The following CPQ variants were observed in gnomAD, a reference collection of about 807,000 sequenced individuals.
The protein encoded by CPQ is Ser-Met dipeptidase.
Under a neutral mutation model 45.7 loss-of-function variants are expected in CPQ, and 37 were observed. That is an observed-to-expected ratio of 0.81 (90% confidence interval 0.62 to 1.07). The LOEUF is 1.07. CPQ is among the 50% of genes least tolerant of loss of function. CPQ has a pLI of 0.00. For missense variants in CPQ, 537 were observed against 572.9 expected (o/e 0.94, Z 0.64); for synonymous variants, 186 against 205.8 (o/e 0.90, Z 0.82).
At chr8:97,120,957 A>G (rs1017169893) in intron 7 of CPQ, among the ~76,000 whole-genome samples, 2 of 152,240 alleles carry the variant, frequency 1.3e-5, no homozygotes, top group Non-Finnish European at 2.9e-5. Context: ...CATTGAAGCT[A>G]AAACCTAAAA....
chr8:96,785,321 C>A lies in CPQ; in HGVS notation c.424C>A (p.Pro142Thr). The A allele has an allele frequency of 6.3e-7, 1 of 1,592,440 alleles. No individual in the cohort carries two copies. Among genetic ancestry groups the A allele is most frequent in the Non-Finnish European group, 8.6e-7 (1 of 1,168,902 alleles). ...ILGLGSSIGT[P>T]PEGITAEVLV... ...GGGTCTTGGCAGCAGCATTGGGACT[C>A]CTCCAGAAGGTATTGTTTGTCTTTT... Residue 142 changes from proline (P) to threonine (T), a missense_variant, in exon 2 of 8, where the codon CCT becomes ACT. By Grantham distance (38) the Pro-to-Thr change is conservative. Coordinates refer to ENST00000220763, the MANE Select transcript of CPQ (RefSeq NM_016134.4).
chr8:96,769,006 T>A (rs1478436682), intron 1 of CPQ, among the ~76,000 whole-genome samples: 1 of 152,198 alleles, frequency 6.6e-6, no homozygotes, highest in Non-Finnish European at 1.5e-5. Flanking sequence ...TATTGCTGCA[T>A]AGTAATTAAA....
At chr8:96,904,640 A>G (rs1812552865) in intron 4 of CPQ, among the ~76,000 whole-genome samples, 1 of 152,188 alleles carries the variant, frequency 6.6e-6, no homozygotes, top group South Asian at 2.1e-4. Context: ...AAAAGGGCCC[A>G]TCTCAGAGTC....
rs145298195 is a variant in CPQ at position 96,670,256 on chromosome 8, G to A, written c.-35+24854G>A. Among the ~76,000 whole-genome samples, 811 of 151,854 alleles carry A rather than the reference G, an allele frequency of 5.3e-3. 7 individuals carry two copies. Among genetic ancestry groups the A allele is most frequent in the African/African-American group, 0.018 (745 of 41,400 alleles). On this transcript the variant is annotated intron_variant, in intron 1 of 7. Transcript: ENST00000220763. ...ACAGCATGAGAGCTAAAACAAGAAG[G>A]CAAAGTATTTACTTGTTTGACCTAG...
intron 3 of CPQ, among the ~76,000 whole-genome samples, chr8:96,841,509 C>T (rs1426087873): frequency 1.3e-5 from 2 of 152,184 alleles, no homozygotes; most frequent in African/African-American, 4.8e-5. Flanking sequence ...TTATTTTCTC[C>T]ATTGCCCCAG....
intron 1 of CPQ, among the ~76,000 whole-genome samples, chr8:96,672,199 C>T (rs556960393): frequency 6.6e-6 from 1 of 152,250 alleles, no homozygotes. Context: ...TTAATAAATA[C>T]TTTGTTCCTT....
intron 1 of CPQ, among the ~76,000 whole-genome samples, chr8:96,686,870 G>A (rs1473254353): frequency 6.6e-6 from 1 of 152,066 alleles, no homozygotes; most frequent in Non-Finnish European, 1.5e-5. Flanking sequence ...AAAACAGATA[G>A]TGATATGTTA....
intron 5 of CPQ, among the ~76,000 whole-genome samples, chr8:97,007,245 T>C (rs1462141154): frequency 2.0e-5 from 3 of 152,232 alleles, no homozygotes; most frequent in African/African-American, 7.2e-5. Context: ...AACAGTTTTC[T>C]GTGTGGCTTA....
chr8:96,827,069 G>T (rs987878976), intron 2 of CPQ, among the ~76,000 whole-genome samples: 2 of 151,996 alleles, frequency 1.3e-5, no homozygotes, highest in African/African-American at 4.8e-5. Context: ...AATTATGACT[G>T]TATATCATGC....
chr8:96,763,080 CTT>C (rs1810424088), intron 1 of CPQ, among the ~76,000 whole-genome samples: 1 of 152,094 alleles, frequency 6.6e-6, no homozygotes, highest in Non-Finnish European at 1.5e-5. Context: ...CATGTGGTCT[CTT>C]CTCTCTGCCT....
chr8:96,910,889 G>A (rs1276827961), intron 4 of CPQ, among the ~76,000 whole-genome samples: 5 of 151,938 alleles, frequency 3.3e-5, no homozygotes, highest in Non-Finnish European at 7.4e-5. Flanking sequence ...CACACAGAAG[G>A]CTGAGTCAGG....
intron 7 of CPQ, among the ~76,000 whole-genome samples, chr8:97,130,843 TTCATTCCCTCACTGCATAATGA>T (rs1811941940): frequency 6.6e-6 from 1 of 152,198 alleles, no homozygotes; most frequent in Admixed American, 6.5e-5. Context: ...GGTTTGCCTA[TTCATTCCCTCACTGCATAATGA>T]TTTATAGTAG....
At chr8:96,942,432 C>T (rs1032512304) in intron 4 of CPQ, among the ~76,000 whole-genome samples, 2 of 152,064 alleles carry the variant, frequency 1.3e-5, no homozygotes, top group Non-Finnish European at 2.9e-5. Flanking sequence ...TTGGTCCCAG[C>T]GAGATTTGTA....
chr8:96,833,486 A>T (rs1464955195), intron 2 of CPQ, among the ~76,000 whole-genome samples: 3 of 152,140 alleles, frequency 2.0e-5, no homozygotes, highest in African/African-American at 7.2e-5. Context: ...TGGACTATCG[A>T]ACCTGTTATT....
intron 7 of CPQ, among the ~76,000 whole-genome samples, chr8:97,073,985 A>T (rs1249559332): frequency 1.3e-5 from 2 of 152,186 alleles, no homozygotes; most frequent in Non-Finnish European, 2.9e-5. Context: ...CTTGCAGTAG[A>T]TCTGCTTCAG....
chr8:96,769,112 T>A (rs1411346376), intron 1 of CPQ, among the ~76,000 whole-genome samples: 2 of 152,164 alleles, frequency 1.3e-5, no homozygotes, highest in Admixed American at 6.5e-5. Context: ...CTCTCCCCTG[T>A]CTCTGGAAAG....
chr8:97,011,292 A>G (rs770640979), intron 5 of CPQ, among the ~76,000 whole-genome samples: 4 of 152,148 alleles, frequency 2.6e-5, no homozygotes, highest in Non-Finnish European at 5.9e-5. Flanking sequence ...ACCCACACCA[A>G]CCAAACACAT....
At chr8:96,945,903 C>T (rs1215893565) in intron 4 of CPQ, among the ~76,000 whole-genome samples, 4 of 152,168 alleles carry the variant, frequency 2.6e-5, no homozygotes, top group African/African-American at 9.6e-5. Context: ...CTGTTCAAAA[C>T]TGGTGATGCT....
At chr8:96,652,719 G>A (rs142970469) in intron 1 of CPQ, among the ~76,000 whole-genome samples, 1,735 of 152,162 alleles carry the variant, frequency 0.011, 30 homozygotes, top group African/African-American at 0.036. Context: ...TGCAAGCTCC[G>A]CCTCCCGGGT....
Sources: allele counts gnomAD v4.1 joint callset (sites outside exome capture counted in the v4.1 genomes callset), GRCh38; gene constraint gnomAD v4.1.1; transcripts MANE v1.5; gene names NCBI Gene and HGNC (gene_info 2026-07-23, HGNC 2026-07-21).